The following ZNF16 variants were observed in gnomAD, a reference collection of about 807,000 sequenced individuals.
The protein encoded by ZNF16 is zinc finger protein KOX9.
A neutral mutation model predicts 9.0 loss-of-function variants in ZNF16; 7 were observed. That is an observed-to-expected ratio of 0.78 (90% CI 0.44 to 1.47). The LOEUF (loss-of-function observed/expected upper bound fraction) is 1.47, where lower values mean the gene tolerates loss of function less well. Ranked by LOEUF, ZNF16 falls within the 40% of genes most tolerant of loss-of-function variation. The probability of loss-of-function intolerance (pLI) is 0.01; values close to 1 mark genes in which losing one functional copy is unlikely to be tolerated. For synonymous variants in ZNF16, 312 were observed against 301.5 expected (o/e 1.03, Z -0.36); for missense variants, 830 against 854.2 (o/e 0.97, Z 0.35).
At chr8:144,936,123 CTG>C (rs1201998162) in intron 2 of ZNF16, among the ~76,000 whole-genome samples, 2 of 152,202 alleles carry the variant, frequency 1.3e-5, no homozygotes, top group Non-Finnish European at 2.9e-5. Context: ...AATCTGTATT[CTG>C]TGTCTACGAA....
chr8:144,950,266 T>C (rs1834075407), intron 1 of ZNF16: 1 of 152,218 alleles, frequency 6.6e-6, no homozygotes, highest in African/African-American at 2.4e-5. Context: ...ATAATGAAAA[T>C]AATAATCAAT....
rs990312504 is a variant in ZNF16, at chr8:144,932,855, G to T, written c.197-265C>A. Among the ~76,000 whole-genome samples, 3 of 152,024 alleles carry T rather than the reference G, an allele frequency of 2.0e-5. No homozygotes were observed. Among genetic ancestry groups the T allele is most frequent in the Non-Finnish European group, 4.4e-5 (3 of 67,998 alleles). ...TCCACATCTCAGCAAACGTTACTGC[G>T]GTCTACCTTCTGGCTCAGGCCAAAA... On this transcript the variant is annotated intron_variant, in intron 2 of 2. Coordinates refer to ENST00000394909, the MANE Select transcript of ZNF16 (RefSeq NM_006958.3). The surrounding 1 kb of genome is among the most constrained non-coding windows in gnomAD (Gnocchi z 5.0).
At position 144,931,497 on chromosome 8, in the gene ZNF16, C is replaced by G. The variant is rs1586947183; in HGVS notation, c.1290G>C (p.Glu430Asp). 2 of 1,614,190 alleles carry G rather than the reference C, an allele frequency of 1.2e-6. No individual in the cohort carries two copies. Among genetic ancestry groups the G allele is most frequent in the Non-Finnish European group, 1.7e-6 (2 of 1,179,990 alleles). The change falls in exon 3 of 3, where the codon GAG becomes GAC. Residue 430 changes from glutamate (E) to aspartate (D), a missense_variant. Physicochemically the swap from Glu to Asp is conservative, Grantham distance 45 (BLOSUM62 2). Coordinates refer to ENST00000394909, the MANE Select transcript of ZNF16 (RefSeq NM_006958.3). ...CACAGTCACTGCACTTATAGGGCTT[C>G]TCTCCAGTGTGAACCCTGTGGTGCT... The part of the protein sequence containing the change: ...LIKHHRVHTG[E>D]KPYKCSDCGK...
chr8:144,939,685 G>T (rs1468485518), intron 2 of ZNF16, among the ~76,000 whole-genome samples: 2 of 151,424 alleles, frequency 1.3e-5, no homozygotes, highest in Non-Finnish European at 2.9e-5. Flanking sequence ...CTCTGTTAGA[G>T]GTCTGTTCTG....
intron 1 of ZNF16, among the ~76,000 whole-genome samples, chr8:144,947,301 C>T (rs71515638): frequency 0.036 from 180 of 4,978 alleles, 15 homozygotes; most frequent in Admixed American, 0.056. Flanking sequence ...TACCCTGCTG[C>T]GGGCCTGTAC....
Position 144,930,643 on chromosome 8 carries a change from G to C in ZNF16, c.*95C>G. 1 of 1,399,866 alleles carries C rather than the reference G, an allele frequency of 7.1e-7. No individual in the cohort carries two copies. The highest frequency in any genetic ancestry group is 9.6e-7 in the Non-Finnish European group (1 of 1,043,308). The allele number at this position is 1,399,866 out of a possible 1,614,324, so 86.7% of individuals were successfully genotyped here. A position where few individuals can be genotyped will look rare whatever the true frequency, so the allele number is the denominator to read the frequency against. On this transcript the variant is annotated 3_prime_UTR_variant, in exon 3 of 3. Transcript: ENST00000394909. ...GATGTAGGCAGTGAGCTGAGTCCAG[G>C]CTTTCGGTCTGGGAAGTGGCAGAGG...
chr8:144,941,018 G>C (rs1462320773), intron 2 of ZNF16, among the ~76,000 whole-genome samples: 1 of 152,140 alleles, frequency 6.6e-6, no homozygotes, highest in Non-Finnish European at 1.5e-5. Flanking sequence ...TAGATTTCAA[G>C]ATATGACTGG....
rs1833614530 is a variant in ZNF16, at chr8:144,933,834, C to T, written c.197-1244G>A. Among the ~76,000 whole-genome samples the T allele has an allele frequency of 6.6e-6, 1 of 152,182 alleles. No individual in the cohort carries two copies. On this transcript the variant is annotated intron_variant, in intron 2 of 2. Transcript: ENST00000394909. The surrounding 1 kb of genome is among the most constrained non-coding windows in gnomAD (Gnocchi z 5.6). ...CTTGCACAGGCCTTGCTGGAGAGCC[C>T]TTCCCTGATCATAAATGCCAGCACC...
rs774348295 is a variant in ZNF16, at chr8:144,931,963, C to T, written c.824G>A (p.Arg275Gln). 41 of 1,613,486 alleles carry T rather than the reference C, an allele frequency of 2.5e-5. No individual in the cohort carries two copies. The Admixed American group carries it at 2.8e-4, about 11-fold the overall frequency. ...ATGCCTAGAAAAGTCTGAGTGCCCTCGGAAGGCTTTCCCACATTCGCTGCA... is the reference window on the plus strand; with the variant it reads ...ATGCCTAGAAAAGTCTGAGTGCCCTTGGAAGGCTTTCCCACATTCGCTGCA... ...YQCSECGKAF[R>Q]GHSDFSRHQS... The change falls in exon 3 of 3, where the codon CGA becomes CAA. Residue 275 changes from arginine (R) to glutamine (Q), a missense_variant. Coordinates refer to ENST00000394909, the MANE Select transcript of ZNF16 (RefSeq NM_006958.3).
intron 2 of ZNF16, among the ~76,000 whole-genome samples, chr8:144,943,387 T>C (rs566123789): frequency 5.3e-5 from 8 of 152,194 alleles, no homozygotes; most frequent in Non-Finnish European, 1.2e-4. Context: ...TTTCATCACA[T>C]TGGGGATACT....
In ZNF16 at chr8:144,931,258, A is replaced by T; in HGVS notation, c.1529T>A (p.Val510Glu). ...GGCGTAGGGCTTGTCGCCTGTGTGCACGCCCTGGTGCTGAATGAGGGCTGA... is the reference window on the plus strand; with the variant it reads ...GGCGTAGGGCTTGTCGCCTGTGTGCTCGCCCTGGTGCTGAATGAGGGCTGA... ...HSSALIQHQG[V>E]HTGDKPYACH... The change falls in exon 3 of 3, where the codon GTG (valine) becomes GAG (glutamate). Residue 510 changes from valine (V) to glutamate (E), a missense_variant. Val to Glu is a moderately radical substitution (Grantham distance 121). Coordinates refer to ENST00000394909, the MANE Select transcript of ZNF16 (RefSeq NM_006958.3). The T allele has an allele frequency of 1.2e-6, 2 of 1,613,990 alleles. No individual in the cohort carries two copies. Among genetic ancestry groups the T allele is most frequent in the Non-Finnish European group, 1.7e-6 (2 of 1,180,014 alleles).
chr8:144,937,143 CTTTTTTTTT>C (rs58306145), intron 2 of ZNF16, among the ~76,000 whole-genome samples: 3 of 110,966 alleles, frequency 2.7e-5, no homozygotes, highest in Admixed American at 9.7e-5. Context: ...CTTTCTCTCT[CTTTTTTTTT>C]TTTTTTTTTT....
chr8:144,945,935 T>C, intron 2 of ZNF16, 76 bp downstream of exon 2: 2 of 1,574,408 alleles, frequency 1.3e-6, no homozygotes, highest in Non-Finnish European at 1.7e-6. Flanking sequence ...AGATGCCTCC[T>C]AGGGGTAAGC....
chr8:144,939,847 C>G (rs984916247), intron 2 of ZNF16, among the ~76,000 whole-genome samples: 11 of 152,130 alleles, frequency 7.2e-5, no homozygotes, highest in African/African-American at 2.7e-4. Flanking sequence ...CCCACTTCCA[C>G]TTCTGATTTT....
rs1396299900 is a variant in ZNF16, at chr8:144,931,492, G to T, written c.1295C>A (p.Pro432His). Residue 432 changes from proline to histidine, a missense_variant, in exon 3 of 3, where the codon CCC becomes CAC. Transcript: ENST00000394909. ...TTTCCCACAGTCACTGCACTTATAG[G>T]GCTTCTCTCCAGTGTGAACCCTGTG... is the stretch of plus-strand genomic sequence containing the variant. Reference protein sequence around the residue: ...KHHRVHTGEKPYKCSDCGKAF... With the variant: ...KHHRVHTGEKHYKCSDCGKAF... 1 of 1,614,128 alleles carries T rather than the reference G, an allele frequency of 6.2e-7. No individual in the cohort carries two copies. The highest frequency in any genetic ancestry group is 1.7e-5 in the Admixed American group (1 of 60,018).
rs1384890101 is a variant in ZNF16 at position 144,942,867 on chromosome 8, A to T, written c.196+3144T>A. ...AATTAATTTTGCACCAACTTAATAC[A>T]AAGTGTACTTAGAAACCAAAATATA... On this transcript the variant is annotated intron_variant, in intron 2 of 2. Transcript: ENST00000394909. Among the ~76,000 whole-genome samples, 4 of 152,252 alleles carry T rather than the reference A, an allele frequency of 2.6e-5. No individual in the cohort carries two copies. In the East Asian group the frequency reaches 7.7e-4, roughly 29 times the overall value.
chr8:144,946,612 TTGTGTCCTGCTGTTGGGC>T (rs1833945297), intron 1 of ZNF16, among the ~76,000 whole-genome samples: 1 of 86,162 alleles, frequency 1.2e-5, no homozygotes, highest in African/African-American at 4.7e-5. Flanking sequence ...GCTGTTGGGC[TTGTGTCCTGCTGTTGGGC>T]CTGTGTCCTG....
At position 144,932,830 on chromosome 8, in the gene ZNF16, T is replaced by G. The variant is rs1833590743; in HGVS notation, c.197-240A>C. Among the ~76,000 whole-genome samples, 1 of 152,092 alleles carries G rather than the reference T, an allele frequency of 6.6e-6. No homozygotes were observed. Among genetic ancestry groups the G allele is most frequent in the Non-Finnish European group, 1.5e-5 (1 of 68,024 alleles). ...ACCACGGACCCACCCTCCCTGGGACTCCACATCTCAGCAAACGTTACTGCG... is the reference window on the plus strand; with the variant it reads ...ACCACGGACCCACCCTCCCTGGGACGCCACATCTCAGCAAACGTTACTGCG... On this transcript the variant is annotated intron_variant, in intron 2 of 2. Coordinates refer to ENST00000394909, the MANE Select transcript of ZNF16 (RefSeq NM_006958.3). This position sits in a 1 kb window ranked among gnomAD's most constrained non-coding sequence, Gnocchi z 5.0.
At chr8:144,939,826 C>T (rs1586954031) in intron 2 of ZNF16, among the ~76,000 whole-genome samples, 1 of 152,092 alleles carries the variant, frequency 6.6e-6, no homozygotes, top group Non-Finnish European at 1.5e-5. Context: ...TGTAAGGTCA[C>T]TAGTAATGTT....
Sources: allele counts gnomAD v4.1 joint callset (sites outside exome capture counted in the v4.1 genomes callset), GRCh38; gene constraint gnomAD v4.1.1; non-coding constraint Gnocchi (gnomAD v3.1); transcripts MANE v1.5; gene names NCBI Gene and HGNC (gene_info 2026-07-23, HGNC 2026-07-21).